Variants in PUF60 observed in about 807,000 individuals in gnomAD.
PUF60 encodes the protein poly(U)-binding-splicing factor PUF60.
Under a neutral mutation model 61.8 loss-of-function variants are expected in PUF60, and 10 were observed. The observed-to-expected ratio is 0.16, with a 90% CI of 0.10 to 0.27. The LOEUF (loss-of-function observed/expected upper bound fraction) is 0.27. Among genes scored for constraint, PUF60 ranks in the 10% least tolerant of loss-of-function variants. The pLI is 1.00. For missense variants in PUF60, 371 were observed against 754.0 expected (o/e 0.49, Z 5.95); for synonymous variants, 353 against 300.9 (o/e 1.17, Z -1.79).
intron 1 of PUF60, 96 bp from the exon 2 acceptor site, chr8:143,824,495 A>G: frequency 7.5e-7 from 1 of 1,329,754 alleles, no homozygotes; most frequent in South Asian, 1.3e-5. Flanking sequence ...CCTCACGGAT[A>G]AGCAAGGGAG....
intron 4 of PUF60, chr8:143,821,288 G>A: frequency 1.8e-6 from 1 of 542,802 alleles, no homozygotes; most frequent in Non-Finnish European, 3.3e-6. Flanking sequence ...TGCACAGCTG[G>A]GGCAGGGAGC....
At chr8:143,826,823 G>C (rs955435979) in intron 1 of PUF60, among the ~76,000 whole-genome samples, 3 of 152,184 alleles carry the variant, frequency 2.0e-5, no homozygotes, top group East Asian at 1.9e-4. Context: ...CTGTCTCCTA[G>C]GGCTACTGTG....
At chr8:143,820,444 T>G in intron 5 of PUF60, 3 of 594,494 alleles carry the variant, frequency 5.0e-6, no homozygotes, top group Non-Finnish European at 6.0e-6. Context: ...GCCGATTAGT[T>G]TTAAGGTGGG....
chr8:143,818,723 A>C lies in PUF60; in HGVS notation c.349-189T>G, dbSNP rs562371299. 2.4e-4 allele frequency: 155 copies of C among 651,392 alleles called. No homozygotes were observed. Among genetic ancestry groups the C allele is most frequent in the Non-Finnish European group, 3.4e-4 (134 of 389,428 alleles). The allele number at this position is 651,392 out of a possible 1,614,324, so 40.4% of individuals were successfully genotyped here. A position where few individuals can be genotyped will look rare whatever the true frequency, so the allele number is the denominator to read the frequency against. On this transcript the variant is annotated intron_variant, in intron 5 of 11. Coordinates refer to ENST00000526683, the MANE Select transcript of PUF60 (RefSeq NM_078480.3). This position sits in a 1 kb window ranked among gnomAD's most constrained non-coding sequence, Gnocchi z 7.9. The stretch of plus-strand genomic sequence containing the variant: ...GCAGGACCCCGCCACCCAAAGAAGG[A>C]AGGCCAGGCCCAGCGGCAGGACAGG...
chr8:143,827,774 G>C (rs1278777103), intron 1 of PUF60, among the ~76,000 whole-genome samples: 1 of 152,204 alleles, frequency 6.6e-6, no homozygotes, highest in Non-Finnish European at 1.5e-5. Context: ...CAACCCGTTC[G>C]TGGGGTCAGT....
Position 143,818,867 on chromosome 8 carries a change from T to G in PUF60, c.349-333A>C. 2.9e-6 allele frequency: 1 copy of G among 346,090 alleles called. No individual in the cohort carries two copies. Among genetic ancestry groups the G allele is most frequent in the Non-Finnish European group, 5.3e-6 (1 of 189,376 alleles). The allele number at this position is 346,090 out of a possible 1,614,324, so 21.4% of individuals were successfully genotyped here. A position where few individuals can be genotyped will look rare whatever the true frequency, so the allele number is the denominator to read the frequency against. ...ACCCCTCCAGTCTGGGGGCTGGGTA[T>G]CCCAGGCTGGGCTGGGAGATCCTCC... On this transcript the variant is annotated intron_variant, in intron 5 of 11. Transcript: ENST00000526683. The surrounding 1 kb of genome is among the most constrained non-coding windows in gnomAD (Gnocchi z 7.9).
rs573485097 is a variant in PUF60 at position 143,819,183 on chromosome 8, G to A, written c.349-649C>T. On this transcript the variant is annotated intron_variant, in intron 5 of 11. Coordinates refer to ENST00000526683, the MANE Select transcript of PUF60 (RefSeq NM_078480.3). ...GGAGCCTGTGCCCCCAGCCGAGAGA[G>A]CGGGCCCAGGCGAGACCACTGGCCT... The A allele has an allele frequency of 2.0e-5, 3 of 152,320 alleles. No homozygotes were observed. The East Asian group carries it at 5.8e-4, about 29-fold the overall frequency. 9.4% of individuals were successfully genotyped at this position (152,320 alleles called of 1,614,324 possible). A position where few individuals can be genotyped will look rare whatever the true frequency, so the allele number is the denominator to read the frequency against.
chr8:143,816,504 G>A lies in PUF60; in HGVS notation c.*16C>T, dbSNP rs373130834. On this transcript the variant is annotated 3_prime_UTR_variant, in exon 12 of 12. Transcript: ENST00000526683. ...GAAACAAGGAACAAGTGCAAGTCCG[G>A]GGAGAGGGACCACTGTCACGCAGAG... 13 of 1,595,866 alleles carry A rather than the reference G, an allele frequency of 8.1e-6. No homozygotes were observed. Among genetic ancestry groups the A allele is most frequent in the Non-Finnish European group, 1.1e-5 (13 of 1,170,650 alleles).
At position 143,818,163 on chromosome 8, in the gene PUF60, C is replaced by T. The variant is rs553094700; in HGVS notation, c.603+30G>A. 25 of 1,602,500 alleles carry T rather than the reference C, an allele frequency of 1.6e-5. No homozygotes were observed. The highest frequency in any genetic ancestry group is 1.2e-4 in the Admixed American group (7 of 58,708). ...GTGGAGGGGCAGCCCTGCACGCCTG[C>T]GGGATCGAGGCCTTGGCTCCCTGCC... On this transcript the variant is annotated intron_variant, in intron 7 of 11. Coordinates refer to ENST00000526683, the MANE Select transcript of PUF60 (RefSeq NM_078480.3). This position sits in a 1 kb window ranked among gnomAD's most constrained non-coding sequence, Gnocchi z 7.9.
At position 143,817,802 on chromosome 8, in the gene PUF60, T is replaced by TG. The variant is rs1563823725; in HGVS notation, c.818-21dup. On this transcript the variant is annotated intron_variant, in intron 8 of 11. Coordinates refer to ENST00000526683, the MANE Select transcript of PUF60 (RefSeq NM_078480.3). The surrounding 1 kb of genome is among the most constrained non-coding windows in gnomAD (Gnocchi z 7.4). ...CGTACTCTGTGGGCAGGAGCAGCAG[T>TG]GAGCAGGGCCAGCCCCAGCCTCAGG... 6.2e-7 allele frequency: 1 copy of TG among 1,607,604 alleles called. No homozygotes were observed. Among genetic ancestry groups the TG allele is most frequent in the Non-Finnish European group, 8.5e-7 (1 of 1,177,490 alleles).
intron 3 of PUF60, 53 bp from the exon 4 acceptor site, chr8:143,821,739 C>T: frequency 6.5e-7 from 1 of 1,544,754 alleles, no homozygotes; most frequent in East Asian, 2.4e-5. Flanking sequence ...GGGAGACAGG[C>T]CTGCCCCGCA....
chr8:143,828,134 T>A (rs1466045492), intron 1 of PUF60, among the ~76,000 whole-genome samples: 1 of 152,250 alleles, frequency 6.6e-6, no homozygotes, highest in African/African-American at 2.4e-5. Flanking sequence ...CACACTGGGC[T>A]GCCCTCGCAA....
intron 2 of PUF60, among the ~76,000 whole-genome samples, chr8:143,823,721 C>T (rs1327870411): frequency 1.3e-5 from 2 of 152,224 alleles, no homozygotes; most frequent in Admixed American, 1.3e-4. Context: ...AACCCAACTA[C>T]CCAGCCACAG....
rs1210088113 is a variant in PUF60, at chr8:143,821,753, CGCCCCT to C, written c.207+59_207+64del. 7.3e-5 allele frequency: 113 copies of C among 1,550,754 alleles called. No homozygotes were observed. The Middle Eastern group carries it at 7.5e-4, about 10-fold the overall frequency. ...TGGGAGACAGGCCTGCCCCGCACCCCGCCCCTGCCCCTGCCCCCAGTTGACTGTCCC... is the reference window on the plus strand; with the variant it reads ...TGGGAGACAGGCCTGCCCCGCACCCCGCCCCTGCCCCCAGTTGACTGTCCC... On this transcript the variant is annotated intron_variant, in intron 3 of 11. Transcript: ENST00000526683.
chr8:143,824,315 G>T lies in PUF60; in HGVS notation c.109C>A (p.Gln37Lys). The change falls in exon 2 of 12, where the codon CAG becomes AAG. Residue 37 changes from glutamine (Q) to lysine (K), a missense_variant and splice_region_variant. Gln to Lys is a moderately conservative substitution (Grantham distance 53, BLOSUM62 1). This residue lies in a region of PUF60 where 69 missense variants were observed against 64.7 expected (regional missense o/e 1.07). Transcript: ENST00000526683. ...VAAGDKWKPP[Q>K]GTDSIKMENG... ...GAGAGGATGCTTAAGGTCAGTACCTGTGGAGGTTTCCATTTGTCTCCCGCT... is the reference window on the plus strand; with the variant it reads ...GAGAGGATGCTTAAGGTCAGTACCTTTGGAGGTTTCCATTTGTCTCCCGCT... 6.2e-7 allele frequency: 1 copy of T among 1,610,502 alleles called. No individual in the cohort carries two copies. The highest frequency in any genetic ancestry group is 8.5e-7 in the Non-Finnish European group (1 of 1,179,054).
chr8:143,817,051 C>G lies in PUF60; in HGVS notation c.1239G>C (p.Leu413=). Residue 413 remains leucine (L), a synonymous_variant, in exon 11 of 12, where the codon CTG becomes CTC. Coordinates refer to ENST00000526683, the MANE Select transcript of PUF60 (RefSeq NM_078480.3). This position sits in a 1 kb window ranked among gnomAD's most constrained non-coding sequence, Gnocchi z 7.4. ...ILASPPTLGL[L]EPKKEKEEEE... ...CTTCTTCCTTCTCCTTCTTGGGCTCCAGGAGACCCAGCGTTGGAGGGCTGG... is the reference window on the plus strand; with the variant it reads ...CTTCTTCCTTCTCCTTCTTGGGCTCGAGGAGACCCAGCGTTGGAGGGCTGG... 6.2e-7 allele frequency: 1 copy of G among 1,611,322 alleles called. No homozygotes were observed. The highest frequency in any genetic ancestry group is 8.5e-7 in the Non-Finnish European group (1 of 1,179,108).
chr8:143,829,006 C>CGCGG, intron 1 of PUF60: 1 of 994,978 alleles, frequency 1.0e-6, no homozygotes. Context: ...AACGCAACCC[C>CGCGG]GCCAGGCTCG....
intron 5 of PUF60, 135 bp downstream of exon 5, chr8:143,820,531 G>C: frequency 1.9e-6 from 2 of 1,031,524 alleles, no homozygotes; most frequent in East Asian, 2.4e-5. Context: ...CACGCCTGGC[G>C]CTCTGCTGCG....
rs753578133 is a variant in PUF60, at chr8:143,824,377, C to G, written c.47G>C (p.Gly16Ala). The change falls in exon 2 of 12, where the codon GGG becomes GCG. Residue 16 changes from glycine to alanine, a missense_variant. Gly to Ala is a moderately conservative substitution (Grantham distance 60). Transcript: ENST00000526683. ...IALQVNGQQG[G>A]GSEPAAAAAV... ...CGCCGCCGCCGCCGGCTCGGACCCC[C>G]CTCCTTGCTGGCCATTGACCTGCTG... 4.3e-5 allele frequency: 69 copies of G among 1,612,272 alleles called. No homozygotes were observed. The highest frequency in any genetic ancestry group is 1.7e-5 in the Admixed American group (1 of 59,990).
Sources: gnomAD v4.1 joint callset for allele counts (sites outside exome capture counted in the v4.1 genomes callset) on GRCh38, gnomAD v4.1.1 for gene constraint, gnomAD v4.1.1 regional missense constraint, Gnocchi (gnomAD v3.1) non-coding constraint, MANE v1.5 for transcripts, NCBI Gene and HGNC (gene_info 2026-07-23, HGNC 2026-07-21) for gene names.